The following CLXN variants were observed in gnomAD, a reference collection of about 807,000 sequenced individuals.
CLXN encodes the protein EF-hand calcium binding domain 1.
chr8:48,730,846 TG>T, the CLXN span, among the ~76,000 whole-genome samples: 1 of 152,200 alleles, frequency 6.6e-6, no homozygotes, highest in South Asian at 2.1e-4. Flanking sequence ...AAAATGTTTT[TG>T]TGGGAACAAA....
the CLXN span, among the ~76,000 whole-genome samples, chr8:48,734,282 G>A: frequency 6.6e-6 from 1 of 152,176 alleles, no homozygotes; most frequent in African/African-American, 2.4e-5. Context: ...CAACTTCTAA[G>A]TTTGCTCGAC....
At chr8:48,729,988 G>T in the CLXN span, 1 of 864,722 alleles carries the variant, frequency 1.2e-6, no homozygotes, top group Non-Finnish European at 1.7e-6. Context: ...TCTTAGTGCA[G>T]CCTGATTTGC....
chr8:48,729,258 C>G, the CLXN span: 1 of 856,580 alleles, frequency 1.2e-6, no homozygotes, highest in East Asian at 2.7e-5. Context: ...GGGATGGTGG[C>G]TCAGGCCTGT....
At chr8:48,732,381 G>A in the CLXN span, among the ~76,000 whole-genome samples, 1 of 152,140 alleles carries the variant, frequency 6.6e-6, no homozygotes, top group African/African-American at 2.4e-5. Context: ...CAGCATCTAG[G>A]AATGGAAAAA....
the CLXN span, chr8:48,724,534 C>G: frequency 2.4e-6 from 1 of 412,710 alleles, no homozygotes; most frequent in Non-Finnish European, 4.3e-6. Flanking sequence ...AACTGTCTTG[C>G]CAAACCCATC....
the CLXN span, among the ~76,000 whole-genome samples, chr8:48,722,399 C>T: frequency 6.6e-6 from 1 of 152,052 alleles, no homozygotes; most frequent in African/African-American, 2.4e-5. Context: ...AGTGGGACTA[C>T]CATTTGATCC....
the CLXN span, among the ~76,000 whole-genome samples, chr8:48,726,264 TATCTATCC>T: frequency 2.4e-5 from 3 of 127,212 alleles, no homozygotes; most frequent in South Asian, 5.5e-4. Flanking sequence ...ATCCATCATC[TATCTATCC>T]ATCCATCCAT....
At chr8:48,713,729 A>G in the CLXN span, 1 of 152,136 alleles carries the variant, frequency 6.6e-6, no homozygotes, top group Non-Finnish European at 1.5e-5. Flanking sequence ...CAAAGTAGGA[A>G]CTTAGTGAAT....
At chr8:48,727,830 T>TA in the CLXN span, among the ~76,000 whole-genome samples, 1 of 152,096 alleles carries the variant, frequency 6.6e-6, no homozygotes, top group South Asian at 2.1e-4. Flanking sequence ...TGGCTTAACT[T>TA]AGAGTGGTGG....
the CLXN span, chr8:48,728,942 G>T: frequency 4.1e-6 from 3 of 728,308 alleles, no homozygotes; most frequent in South Asian, 4.5e-5. Flanking sequence ...TTCTTTCTTG[G>T]TGGACAGGAT....
the CLXN span, chr8:48,713,506 G>C: frequency 5.3e-5 from 8 of 152,150 alleles, no homozygotes; most frequent in African/African-American, 1.7e-4. Flanking sequence ...TGTCTTCATA[G>C]TTTCAAAGTA....
chr8:48,718,721 G>A, the CLXN span, among the ~76,000 whole-genome samples: 1 of 151,792 alleles, frequency 6.6e-6, no homozygotes, highest in Admixed American at 6.6e-5. Flanking sequence ...TGTTCAAAGA[G>A]GAAATCAAAG....
At chr8:48,712,394 G>C in the CLXN span, 7 of 152,382 alleles carry the variant, frequency 4.6e-5, no homozygotes, top group African/African-American at 1.7e-4. Context: ...CCTCCACGCT[G>C]ACAATCTCTC....
At chr8:48,730,635 C>T in the CLXN span, 1 of 1,604,894 alleles carries the variant, frequency 6.2e-7, no homozygotes. Context: ...TTTATCAAAA[C>T]CTCGGAATAC....
At chr8:48,733,153 G>A in the CLXN span, among the ~76,000 whole-genome samples, 1 of 152,082 alleles carries the variant, frequency 6.6e-6, no homozygotes, top group Non-Finnish European at 1.5e-5. Context: ...AAAAGCAAGA[G>A]CTGTTAGTTG....
the CLXN span, chr8:48,731,653 C>G: frequency 4.8e-6 from 3 of 622,110 alleles, no homozygotes; most frequent in African/African-American, 1.9e-5. Flanking sequence ...ATTCATGAAC[C>G]CTTAACTTAA....
the CLXN span, chr8:48,735,114 A>C: frequency 1.2e-6 from 2 of 1,613,974 alleles, no homozygotes; most frequent in Non-Finnish European, 1.7e-6. Context: ...ATTTTTGGTT[A>C]AGGTGTCCGT....
At chr8:48,716,701 A>C in the CLXN span, among the ~76,000 whole-genome samples, 7 of 152,224 alleles carry the variant, frequency 4.6e-5, no homozygotes, top group African/African-American at 1.7e-4. Flanking sequence ...AACAGATTCA[A>C]TGAAGCAGAA....
the CLXN span, chr8:48,735,051 G>A: frequency 1.9e-6 from 3 of 1,607,766 alleles, no homozygotes; most frequent in Non-Finnish European, 2.6e-6. Flanking sequence ...ACCCAGGCTC[G>A]GTCCAGGAGC....
Sources: allele counts gnomAD v4.1 joint callset (sites outside exome capture counted in the v4.1 genomes callset), GRCh38; gene constraint gnomAD v4.1.1; transcripts MANE v1.5; gene names NCBI Gene and HGNC (gene_info 2026-07-23, HGNC 2026-07-21).